RRAGD: variants seen among roughly 807,000 people sequenced by gnomAD.
RRAGD encodes Ras related GTP binding D.
A neutral mutation model predicts 35.5 loss-of-function variants in RRAGD; 12 were observed. That is an observed-to-expected ratio of 0.34 (90% CI 0.22 to 0.55). The LOEUF (loss-of-function observed/expected upper bound fraction) is 0.55, where lower values mean the gene tolerates loss of function less well. RRAGD is among the 20% of genes least tolerant of loss of function. RRAGD has a pLI of 0.91. For synonymous variants in RRAGD, 155 were observed against 178.9 expected (o/e 0.87, Z 1.07); for missense variants, 324 against 490.1 (o/e 0.66, Z 3.20).
rs1327006096 is a variant in RRAGD, at chr6:89,380,344, G to A, written c.468C>T (p.Ala156=). 2 of 1,614,084 alleles carry A rather than the reference G, an allele frequency of 1.2e-6. No homozygotes were observed. Among genetic ancestry groups the A allele is most frequent in the African/African-American group, 1.3e-5 (1 of 74,944 alleles). Residue 156 remains alanine, a synonymous_variant, in exon 3 of 7, where the codon GCC becomes GCT. Coordinates refer to ENST00000369415, the MANE Select transcript of RRAGD (RefSeq NM_021244.5). ...DSQDDYMEAL[A]RLHLTVTRAY... ...CCCTGGTCACCGTGAGGTGGAGCCT[G>A]GCCAGGGCTTCCATGTAATCATCCT... is the stretch of plus-strand genomic sequence containing the variant.
intron 1 of RRAGD, among the ~76,000 whole-genome samples, chr6:89,393,951 A>G (rs1446549301): frequency 6.6e-6 from 1 of 152,248 alleles, no homozygotes; most frequent in Non-Finnish European, 1.5e-5. Context: ...ACAGATGAAG[A>G]TGGAAATAGT....
chr6:89,380,347 C>T lies in RRAGD; in HGVS notation c.465G>A (p.Leu155=). 6.2e-7 allele frequency: 1 copy of T among 1,614,162 alleles called. No individual in the cohort carries two copies. Among genetic ancestry groups the T allele is most frequent in the East Asian group, 2.2e-5 (1 of 44,880 alleles). Residue 155 remains leucine, a synonymous_variant, in exon 3 of 7, where the codon CTG becomes CTA. Transcript: ENST00000369415. ...IDSQDDYMEA[L]ARLHLTVTRA... is the part of the protein sequence containing the mutation. The stretch of plus-strand genomic sequence containing the variant: ...TGGTCACCGTGAGGTGGAGCCTGGC[C>T]AGGGCTTCCATGTAATCATCCTAGG...
At chr6:89,383,644 G>A (rs561850893) in intron 2 of RRAGD, among the ~76,000 whole-genome samples, 4 of 152,156 alleles carry the variant, frequency 2.6e-5, no homozygotes, top group South Asian at 2.1e-4. Context: ...GCTGGGGAGC[G>A]GGGCTGGGGT....
At chr6:89,381,313 C>T (rs1002826510) in intron 2 of RRAGD, among the ~76,000 whole-genome samples, 5 of 152,118 alleles carry the variant, frequency 3.3e-5, no homozygotes, top group Non-Finnish European at 5.9e-5. Context: ...GCCATCTGCC[C>T]CTTTACAGAA....
At chr6:89,386,441 C>G (rs912909035) in intron 2 of RRAGD, among the ~76,000 whole-genome samples, 1 of 152,166 alleles carries the variant, frequency 6.6e-6, no homozygotes, top group South Asian at 2.1e-4. Context: ...GAATGACTCG[C>G]GACTGGGAAT....
intron 1 of RRAGD, among the ~76,000 whole-genome samples, chr6:89,395,615 A>G (rs1361629823): frequency 6.6e-6 from 1 of 152,168 alleles, no homozygotes; most frequent in Non-Finnish European, 1.5e-5. Flanking sequence ...TACTCCTTAA[A>G]TTGTGATTTC....
chr6:89,406,230 C>T (rs1038789900), intron 1 of RRAGD, among the ~76,000 whole-genome samples: 8 of 151,984 alleles, frequency 5.3e-5, no homozygotes, highest in African/African-American at 1.2e-4. Flanking sequence ...TCCCTTTAAA[C>T]GGTATGGAAG....
rs1582498763 is a variant in RRAGD, at chr6:89,365,841, AG to A, written c.*2214del. The A allele has an allele frequency of 1.3e-5, 2 of 152,338 alleles. No individual in the cohort carries two copies. The highest frequency in any genetic ancestry group is 3.9e-4 in the East Asian group (2 of 5,186). 9.4% of individuals were successfully genotyped at this position (152,338 alleles called of 1,614,324 possible). ...TAATGTGTGATTTACCAAATAGGCTAGTGTCTCTAGCTTGAGGATAAAGTCA... is the reference window on the plus strand; with the variant it reads ...TAATGTGTGATTTACCAAATAGGCTATGTCTCTAGCTTGAGGATAAAGTCA... On this transcript the variant is annotated 3_prime_UTR_variant, in exon 7 of 7. Transcript: ENST00000369415.
chr6:89,374,686 T>C (rs1376989307), intron 5 of RRAGD, among the ~76,000 whole-genome samples: 1 of 150,972 alleles, frequency 6.6e-6, no homozygotes, highest in Non-Finnish European at 1.5e-5. Context: ...GCCGAGATCA[T>C]GCCATTGCAC....
In RRAGD at chr6:89,387,275, C is replaced by T; in HGVS notation, c.444+20G>A. ...AGGGGACCGGCCAGGCCATCATACC[C>T]CTGAGACTCTGAGCTTTACCTGTGA... On this transcript the variant is annotated intron_variant, in intron 2 of 6. Transcript: ENST00000369415. 1 of 1,606,774 alleles carries T rather than the reference C, an allele frequency of 6.2e-7. No individual in the cohort carries two copies. The highest frequency in any genetic ancestry group is 8.5e-7 in the Non-Finnish European group (1 of 1,174,510).
intron 1 of RRAGD, among the ~76,000 whole-genome samples, chr6:89,403,978 A>T (rs962568980): frequency 6.6e-6 from 1 of 152,092 alleles, no homozygotes; most frequent in African/African-American, 2.4e-5. Flanking sequence ...TTAAATCTTT[A>T]TTCTCTATAT....
At chr6:89,394,771 T>C (rs1769301507) in intron 1 of RRAGD, among the ~76,000 whole-genome samples, 1 of 152,136 alleles carries the variant, frequency 6.6e-6, no homozygotes, top group African/African-American at 2.4e-5. Flanking sequence ...CAAAAATGCA[T>C]TTTAAAACGG....
intron 1 of RRAGD, among the ~76,000 whole-genome samples, chr6:89,408,434 G>A (rs763331421): frequency 2.0e-5 from 3 of 152,166 alleles, no homozygotes. Context: ...CAGGAAGATT[G>A]CTTGAGCCCA....
intron 1 of RRAGD, among the ~76,000 whole-genome samples, chr6:89,389,894 TACAATAAA>T (rs1769200954): frequency 6.6e-6 from 1 of 152,198 alleles, no homozygotes; most frequent in Admixed American, 6.5e-5. Context: ...ATAGGGCTGT[TACAATAAA>T]TGAGATCAAG....
Position 89,411,848 on chromosome 6 carries a change from C to G in RRAGD, c.146G>C (p.Gly49Ala). 6.4e-7 allele frequency: 1 copy of G among 1,551,542 alleles called. No homozygotes were observed. The highest frequency in any genetic ancestry group is 8.7e-7 in the Non-Finnish European group (1 of 1,151,376). Residue 49 changes from glycine to alanine, a missense_variant and splice_region_variant, in exon 1 of 7, where the codon GGA becomes GCA. By Grantham distance (60) the Gly-to-Ala change is moderately conservative. Coordinates refer to ENST00000369415, the MANE Select transcript of RRAGD (RefSeq NM_021244.5). This position sits in a 1 kb window ranked among gnomAD's most constrained non-coding sequence, Gnocchi z 5.6. ...DADPDSGTEE[G>A]VLDFSDPFST... is the part of the protein sequence containing the mutation. The stretch of plus-strand genomic sequence containing the variant: ...GGACGCGGGGGCCGGGCGCTCACCT[C>G]CCTCCTCTGTGCCGCTGTCCGGATC...
Position 89,395,452 on chromosome 6 carries a change from A to ATAAGTAAATAAATAAG in RRAGD, c.149-7863_149-7862insCTTATTTATTTACTTA, listed in dbSNP as rs1769315352. ...ATAGAACTATAATCTGTCAATGAAA[A>ATAAGTAAATAAATAAG]TAAGTAAATAAGATAAAACAAAATT... On this transcript the variant is annotated intron_variant, in intron 1 of 6. Coordinates refer to ENST00000369415, the MANE Select transcript of RRAGD (RefSeq NM_021244.5). Among the ~76,000 whole-genome samples, 5 of 152,244 alleles carry ATAAGTAAATAAATAAG rather than the reference A, an allele frequency of 3.3e-5. 1 individual carries two copies. In the South Asian group the frequency reaches 1.0e-3, roughly 31 times the overall value.
intron 5 of RRAGD, 116 bp from the exon 6 acceptor site, chr6:89,372,701 C>G: frequency 1.0e-6 from 1 of 985,212 alleles, no homozygotes; most frequent in Admixed American, 2.7e-5. Flanking sequence ...GTTGTTTACA[C>G]TTGCAGTGCC....
chr6:89,407,443 G>GGTTTCA (rs1769602976), intron 1 of RRAGD, among the ~76,000 whole-genome samples: 1 of 152,186 alleles, frequency 6.6e-6, no homozygotes. Context: ...TTTAAGACCA[G>GGTTTCA]CCTGGTCAAC....
At chr6:89,370,150 A>T (rs1038925479) in intron 6 of RRAGD, among the ~76,000 whole-genome samples, 2 of 152,252 alleles carry the variant, frequency 1.3e-5, no homozygotes, top group Admixed American at 1.3e-4. Context: ...AGGCCTGAGT[A>T]AAATCATCTG....
Sources: gnomAD v4.1 joint callset for allele counts (sites outside exome capture counted in the v4.1 genomes callset) on GRCh38, gnomAD v4.1.1 for gene constraint, Gnocchi (gnomAD v3.1) non-coding constraint, MANE v1.5 for transcripts, NCBI Gene and HGNC (gene_info 2026-07-23, HGNC 2026-07-21) for gene names.